The following CCDC102B variants were observed in gnomAD, a reference collection of about 807,000 sequenced individuals.
CCDC102B encodes coiled-coil domain-containing protein 102B.
In CCDC102B, 75 loss-of-function variants were observed where a neutral mutation model predicts 57.4. The observed-to-expected ratio is 1.31, with a 90% confidence interval of 1.08 to 1.58. The LOEUF (loss-of-function observed/expected upper bound fraction) is 1.58. Among genes scored for constraint, CCDC102B ranks in the 40% most tolerant of loss-of-function variants. CCDC102B has a pLI of 0.00. For synonymous variants in CCDC102B, 206 were observed against 201.9 expected (o/e 1.02, Z -0.17); for missense variants, 636 against 582.6 (o/e 1.09, Z -0.94).
chr18:68,980,674 AAGG>A (rs776842930), intron 6 of CCDC102B, among the ~76,000 whole-genome samples: 3 of 151,978 alleles, frequency 2.0e-5, no homozygotes, highest in Non-Finnish European at 4.4e-5. Context: ...GTAACATGCC[AAGG>A]AGATTTATGG....
At chr18:68,842,224 T>TTA (rs1174827074) in intron 3 of CCDC102B, among the ~76,000 whole-genome samples, 1 of 138,604 alleles carries the variant, frequency 7.2e-6, no homozygotes, top group African/African-American at 2.5e-5. Context: ...ATTTAAGAAA[T>TTA]TATATATATA....
At chr18:68,748,081 T>C (rs1312569556) in intron 2 of CCDC102B, among the ~76,000 whole-genome samples, 1 of 152,114 alleles carries the variant, frequency 6.6e-6, no homozygotes, top group African/African-American at 2.4e-5. Flanking sequence ...GATATCTCAT[T>C]GTGGTTTTGA....
intron 1 of CCDC102B, among the ~76,000 whole-genome samples, chr18:68,809,194 T>C (rs2036152529): frequency 6.6e-6 from 1 of 152,200 alleles, no homozygotes; most frequent in Non-Finnish European, 1.5e-5. Context: ...ATATTGTGCT[T>C]TGAACATGTT....
intron 7 of CCDC102B, among the ~76,000 whole-genome samples, chr18:69,019,329 C>T (rs2051761602): frequency 6.6e-6 from 1 of 151,974 alleles, no homozygotes; most frequent in South Asian, 2.1e-4. Context: ...ATTAATTCCT[C>T]CATTTCATGA....
At chr18:68,911,652 T>C (rs968311845) in intron 6 of CCDC102B, among the ~76,000 whole-genome samples, 5 of 140,096 alleles carry the variant, frequency 3.6e-5, no homozygotes, top group African/African-American at 8.4e-5. Flanking sequence ...CTCGAGAGGC[T>C]GAGGCAGGAG....
chr18:68,741,219 C>A (rs2033367122), intron 2 of CCDC102B, among the ~76,000 whole-genome samples: 1 of 152,138 alleles, frequency 6.6e-6, no homozygotes, highest in Non-Finnish European at 1.5e-5. Flanking sequence ...GCTGTCAAGG[C>A]AAGTGTGTAC....
At chr18:68,806,363 T>G (rs2036033711) in intron 1 of CCDC102B, among the ~76,000 whole-genome samples, 1 of 152,188 alleles carries the variant, frequency 6.6e-6, no homozygotes, top group African/African-American at 2.4e-5. Flanking sequence ...TTCTGTATTA[T>G]GTGGCCATGT....
chr18:68,955,593 A>G (rs895097753), intron 6 of CCDC102B, among the ~76,000 whole-genome samples: 1 of 151,982 alleles, frequency 6.6e-6, no homozygotes, highest in South Asian at 2.1e-4. Context: ...TGTTTACAGA[A>G]TTCAGAAATT....
At chr18:68,937,648 G>A (rs1460807977) in intron 6 of CCDC102B, among the ~76,000 whole-genome samples, 1 of 151,966 alleles carries the variant, frequency 6.6e-6, no homozygotes, top group Non-Finnish European at 1.5e-5. Context: ...TGTGCAGAAT[G>A]TGCAGTTCTG....
intron 6 of CCDC102B, among the ~76,000 whole-genome samples, chr18:68,916,150 A>AATAG (rs34998141): frequency 0.41 from 62,228 of 151,112 alleles, 13,038 homozygotes; most frequent in South Asian, 0.45. Context: ...TAAGAGAATA[A>AATAG]ATAGATAGAT....
intron 2 of CCDC102B, among the ~76,000 whole-genome samples, chr18:68,744,737 A>G (rs1016150721): frequency 6.6e-6 from 1 of 152,174 alleles, no homozygotes; most frequent in African/African-American, 2.4e-5. Context: ...TGCTCCAGCC[A>G]AGACCCCAGA....
At chr18:68,743,460 T>G (rs1815092530) in intron 2 of CCDC102B, among the ~76,000 whole-genome samples, 1 of 152,106 alleles carries the variant, frequency 6.6e-6, no homozygotes, top group Non-Finnish European at 1.5e-5. Flanking sequence ...CTTGCATCTC[T>G]GTCTTGAGAT....
chr18:68,804,360 TG>T (rs1313339983), intron 1 of CCDC102B, among the ~76,000 whole-genome samples: 5 of 152,276 alleles, frequency 3.3e-5, no homozygotes, highest in Admixed American at 1.3e-4. Context: ...TGATGTTAAG[TG>T]GGCAGCTGGA....
intron 5 of CCDC102B, among the ~76,000 whole-genome samples, chr18:68,879,969 G>A (rs2039617257): frequency 6.6e-6 from 1 of 152,228 alleles, no homozygotes; most frequent in Admixed American, 6.5e-5. Flanking sequence ...AGGTGGAGCT[G>A]CCTGCCAGTC....
At chr18:68,817,824 A>G (rs2036543154) in intron 1 of CCDC102B, among the ~76,000 whole-genome samples, 1 of 152,178 alleles carries the variant, frequency 6.6e-6, no homozygotes, top group Admixed American at 6.5e-5. Context: ...AATATTTGAT[A>G]ATGAAATTCT....
chr18:68,996,772 G>C lies in CCDC102B; in HGVS notation c.1264-14162G>C, dbSNP rs552733193. The stretch of plus-strand genomic sequence containing the variant: ...GATGACACTTTGGACTTGAACTTTT[G>C]GGTTAATGCTGGAATTAAGAATTTG... On this transcript the variant is annotated intron_variant, in intron 6 of 7. Coordinates refer to ENST00000360242, the MANE Select transcript of CCDC102B (RefSeq NM_024781.3). Among the ~76,000 whole-genome samples the C allele has an allele frequency of 8.6e-4, 131 of 152,216 alleles. 1 individual carries two copies. The highest frequency in any genetic ancestry group is 5.4e-4 in the Non-Finnish European group (37 of 68,020).
chr18:68,891,600 C>G (rs548606579), intron 5 of CCDC102B, among the ~76,000 whole-genome samples: 1 of 152,174 alleles, frequency 6.6e-6, no homozygotes, highest in Non-Finnish European at 1.5e-5. Context: ...TATTTTCTCA[C>G]AGTTCTGGAG....
chr18:69,027,536 T>G (rs1171537285), intron 7 of CCDC102B, among the ~76,000 whole-genome samples: 1 of 152,200 alleles, frequency 6.6e-6, no homozygotes, highest in Non-Finnish European at 1.5e-5. Context: ...TATGTCTAGG[T>G]GTAAATCATT....
intron 2 of CCDC102B, among the ~76,000 whole-genome samples, chr18:68,725,976 C>T (rs535558677): frequency 1.3e-5 from 2 of 152,270 alleles, no homozygotes; most frequent in African/African-American, 4.8e-5. Context: ...GGAGAAGCAG[C>T]CCTTTTATGT....
Sources: allele counts gnomAD v4.1 joint callset (sites outside exome capture counted in the v4.1 genomes callset), GRCh38; gene constraint gnomAD v4.1.1; transcripts MANE v1.5; gene names NCBI Gene and HGNC (gene_info 2026-07-23, HGNC 2026-07-21).